Variants in NPTX1 observed in about 807,000 individuals in gnomAD.
The protein encoded by NPTX1 is neuronal pentraxin-1.
Under a neutral mutation model 38.7 loss-of-function variants are expected in NPTX1, and 12 were observed. The ratio of observed to expected loss-of-function variants is 0.31; its 90% CI spans 0.20 to 0.50. The LOEUF is 0.50. Among genes scored for constraint, NPTX1 ranks in the 20% least tolerant of loss-of-function variants. NPTX1 has a pLI of 0.98. For missense variants in NPTX1, 454 were observed against 592.2 expected (o/e 0.77, Z 2.42); for synonymous variants, 272 against 264.9 (o/e 1.03, Z -0.26).
chr17:80,471,654 C>T, intron 4 of NPTX1, 78 bp downstream of exon 4: 3 of 1,534,310 alleles, frequency 2.0e-6, no homozygotes, highest in South Asian at 1.3e-5. Flanking sequence ...CTACCTCCCT[C>T]CCTCCTTGCT....
rs1358327047 is a variant in NPTX1 at position 80,476,460 on chromosome 17, G to A, written c.-14C>T. The A allele has an allele frequency of 2.4e-6, 3 of 1,228,570 alleles. No homozygotes were observed. Among genetic ancestry groups the A allele is most frequent in the East Asian group, 3.5e-5 (1 of 28,286 alleles). The allele number at this position is 1,228,570 out of a possible 1,614,324, so 76.1% of individuals were successfully genotyped here. A position where few individuals can be genotyped will look rare whatever the true frequency, so the allele number is the denominator to read the frequency against. On this transcript the variant is annotated 5_prime_UTR_variant, in exon 1 of 5. Transcript: ENST00000306773. This position sits in a 1 kb window ranked among gnomAD's most constrained non-coding sequence, Gnocchi z 6.3. ...GCCGGCCGGCATGGCTGCGGGCACC[G>A]GGCGCTCCGGGCCCGGCTCGGCTCG...
Position 80,476,499 on chromosome 17 carries a change from T to G in NPTX1, c.-53A>C. ...CGGCTCGGCTCGGCTGGGGCTCGGC[T>G]CCGGCTGGGACCCGGCTCGGGCTGT... On this transcript the variant is annotated 5_prime_UTR_variant, in exon 1 of 5. Transcript: ENST00000306773. This position sits in a 1 kb window ranked among gnomAD's most constrained non-coding sequence, Gnocchi z 6.3. 1 of 1,054,670 alleles carries G rather than the reference T, an allele frequency of 9.5e-7. No homozygotes were observed. The highest frequency in any genetic ancestry group is 1.2e-6 in the Non-Finnish European group (1 of 861,182). 65.3% of individuals were successfully genotyped at this position (1,054,670 alleles called of 1,614,324 possible). A position where few individuals can be genotyped will look rare whatever the true frequency, so the allele number is the denominator to read the frequency against.
chr17:80,472,663 T>G (rs1430100039), intron 3 of NPTX1, among the ~76,000 whole-genome samples: 1 of 152,218 alleles, frequency 6.6e-6, no homozygotes, highest in Non-Finnish European at 1.5e-5. Context: ...GTTTGAAAGC[T>G]GGCAGCTAGT....
rs1030402525 is a variant in NPTX1, at chr17:80,468,767, G to T, written c.*2046C>A. ...CTACACGGGTGGTCACAGAACACTG[G>T]GCGGCACTCGGCACACAACACAGAA... On this transcript the variant is annotated 3_prime_UTR_variant, in exon 5 of 5. Transcript: ENST00000306773. 6.6e-6 allele frequency: 1 copy of T among 152,304 alleles called. No individual in the cohort carries two copies. 9.4% of individuals were successfully genotyped at this position (152,304 alleles called of 1,614,324 possible).
At position 80,467,412 on chromosome 17, in the gene NPTX1, A is replaced by AC. The variant is rs1473410621; in HGVS notation, c.*3400dup. 3 of 152,608 alleles carry AC rather than the reference A, an allele frequency of 2.0e-5. No homozygotes were observed. Among genetic ancestry groups the AC allele is most frequent in the Non-Finnish European group, 4.4e-5 (3 of 68,032 alleles). The allele number at this position is 152,608 out of a possible 1,614,324, so 9.5% of individuals were successfully genotyped here. A position where few individuals can be genotyped will look rare whatever the true frequency, so the allele number is the denominator to read the frequency against. ...CCAAGGTTCTTCTATCAAGGTTAGAACTGATATTCAAATCCTCGGCTCATT... is the reference window on the plus strand; with the variant it reads ...CCAAGGTTCTTCTATCAAGGTTAGAACCTGATATTCAAATCCTCGGCTCATT... On this transcript the variant is annotated 3_prime_UTR_variant, in exon 5 of 5. Coordinates refer to ENST00000306773, the MANE Select transcript of NPTX1 (RefSeq NM_002522.4).
intron 4 of NPTX1, 129 bp from the exon 5 acceptor site, chr17:80,471,163 G>A (rs1322408314): frequency 5.4e-5 from 37 of 683,316 alleles, no homozygotes; most frequent in Middle Eastern, 4.1e-4. Flanking sequence ...CCTAGGTGCC[G>A]TTTCGTCTCC....
rs1489588339 is a variant in NPTX1 at position 80,471,715 on chromosome 17, C to G, written c.1077+17G>C. 6 of 1,596,340 alleles carry G rather than the reference C, an allele frequency of 3.8e-6. No homozygotes were observed. In the African/African-American group the frequency reaches 6.7e-5, roughly 18 times the overall value. On this transcript the variant is annotated intron_variant, in intron 4 of 4. Coordinates refer to ENST00000306773, the MANE Select transcript of NPTX1 (RefSeq NM_002522.4). ...TCTGAAGCTCTCTCCCCTTCCCCAC[C>G]ACATCCAGCACAGTACCTGCTCCTG... is the stretch of plus-strand genomic sequence containing the variant.
chr17:80,476,411 C>G lies in NPTX1; in HGVS notation c.36G>C (p.Leu12=). The change falls in exon 1 of 5, where the codon CTG becomes CTC. Residue 12 remains leucine (L), a synonymous_variant. Transcript: ENST00000306773. The surrounding 1 kb of genome is among the most constrained non-coding windows in gnomAD (Gnocchi z 6.3). ...PAGRAARTCA[L]LALCLLGAGA... ...CGGCGCCCAGGAGGCAGAGGGCGAG[C>G]AGCGCACAGGTGCGCGCGGCGCGGC... 1 of 1,502,104 alleles carries G rather than the reference C, an allele frequency of 6.7e-7. No individual in the cohort carries two copies. Among genetic ancestry groups the G allele is most frequent in the Non-Finnish European group, 8.8e-7 (1 of 1,134,270 alleles). 93.0% of individuals were successfully genotyped at this position (1,502,104 alleles called of 1,614,324 possible).
At position 80,467,777 on chromosome 17, in the gene NPTX1, G is replaced by C. The variant is rs1403335525; in HGVS notation, c.*3036C>G. On this transcript the variant is annotated 3_prime_UTR_variant, in exon 5 of 5. Coordinates refer to ENST00000306773, the MANE Select transcript of NPTX1 (RefSeq NM_002522.4). ...TGAAAGTATTTTCAAGGGAGATATA[G>C]GTTGAGTTAATTTATAGGTTTGTCC... The C allele has an allele frequency of 6.6e-6, 1 of 152,500 alleles. No individual in the cohort carries two copies. The highest frequency in any genetic ancestry group is 1.5e-5 in the Non-Finnish European group (1 of 68,046). The allele number at this position is 152,500 out of a possible 1,614,324, so 9.4% of individuals were successfully genotyped here.
chr17:80,471,670 T>C, intron 4 of NPTX1, 62 bp downstream of exon 4: 1 of 1,557,920 alleles, frequency 6.4e-7, no homozygotes, highest in Non-Finnish European at 8.7e-7. Flanking sequence ...TTGCTCCTCT[T>C]CCCCTTCCCA....
In NPTX1 at chr17:80,468,089, T is replaced by C. The variant is rs984789572; in HGVS notation, c.*2724A>G. 1 of 152,636 alleles carries C rather than the reference T, an allele frequency of 6.6e-6. No homozygotes were observed. The highest frequency in any genetic ancestry group is 2.1e-4 in the South Asian group (1 of 4,816). 9.5% of individuals were successfully genotyped at this position (152,636 alleles called of 1,614,324 possible). A position where few individuals can be genotyped will look rare whatever the true frequency, so the allele number is the denominator to read the frequency against. Reference sequence around the variant, plus strand: ...GTATTATTCAGTGCAAGAGGGAACATCAATCAGATTAAGGAGTAAATGGGA... The same window carrying C: ...GTATTATTCAGTGCAAGAGGGAACACCAATCAGATTAAGGAGTAAATGGGA... On this transcript the variant is annotated 3_prime_UTR_variant, in exon 5 of 5. Coordinates refer to ENST00000306773, the MANE Select transcript of NPTX1 (RefSeq NM_002522.4).
At chr17:80,473,478 C>T (rs749992075) in intron 2 of NPTX1, 34 bp from the exon 3 acceptor site, 42 of 1,608,878 alleles carry the variant, frequency 2.6e-5, no homozygotes, top group Non-Finnish European at 3.4e-5. Context: ...TCTGCACCTG[C>T]GTGAAGTGCT....
rs1284497307 is a variant in NPTX1 at position 80,471,714 on chromosome 17, C to T, written c.1077+18G>A. 1 of 1,596,472 alleles carries T rather than the reference C, an allele frequency of 6.3e-7. No homozygotes were observed. Among genetic ancestry groups the T allele is most frequent in the South Asian group, 1.1e-5 (1 of 89,976 alleles). Reference sequence around the variant, plus strand: ...TTCTGAAGCTCTCTCCCCTTCCCCACCACATCCAGCACAGTACCTGCTCCT... The same window carrying T: ...TTCTGAAGCTCTCTCCCCTTCCCCATCACATCCAGCACAGTACCTGCTCCT... On this transcript the variant is annotated intron_variant, in intron 4 of 4. Transcript: ENST00000306773.
At chr17:80,471,437 C>T (rs979756873) in intron 4 of NPTX1, among the ~76,000 whole-genome samples, 2 of 152,242 alleles carry the variant, frequency 1.3e-5, no homozygotes, top group East Asian at 3.9e-4. Context: ...AGGTGCCCAA[C>T]AGGAGACAAA....
rs1216756824 is a variant in NPTX1 at position 80,476,486 on chromosome 17, G to T, written c.-40C>A. On this transcript the variant is annotated 5_prime_UTR_variant, in exon 1 of 5. Coordinates refer to ENST00000306773, the MANE Select transcript of NPTX1 (RefSeq NM_002522.4). The surrounding 1 kb of genome is among the most constrained non-coding windows in gnomAD (Gnocchi z 6.3). The stretch of plus-strand genomic sequence containing the variant: ...GGCGCTCCGGGCCCGGCTCGGCTCG[G>T]CTGGGGCTCGGCTCCGGCTGGGACC... The T allele has an allele frequency of 7.1e-6, 8 of 1,126,632 alleles. No individual in the cohort carries two copies. The African/African-American group carries it at 1.2e-4, about 16-fold the overall frequency. The allele number at this position is 1,126,632 out of a possible 1,614,324, so 69.8% of individuals were successfully genotyped here. A position where few individuals can be genotyped will look rare whatever the true frequency, so the allele number is the denominator to read the frequency against.
chr17:80,476,517 C>A lies in NPTX1; in HGVS notation c.-71G>T. On this transcript the variant is annotated 5_prime_UTR_variant, in exon 1 of 5. Transcript: ENST00000306773. The surrounding 1 kb of genome is among the most constrained non-coding windows in gnomAD (Gnocchi z 6.3). ...GCTCGGCTCCGGCTGGGACCCGGCT[C>A]GGGCTGTGGCTCCGCGAGCGGCCCG... is the stretch of plus-strand genomic sequence containing the variant. 2.2e-6 allele frequency: 2 copies of A among 909,776 alleles called. No homozygotes were observed. Among genetic ancestry groups the A allele is most frequent in the South Asian group, 5.1e-5 (1 of 19,436 alleles). The allele number at this position is 909,776 out of a possible 1,614,324, so 56.4% of individuals were successfully genotyped here.
rs376337891 is a variant in NPTX1, at chr17:80,473,187, G to T, written c.897+13C>A. 177 of 1,610,194 alleles carry T rather than the reference G, an allele frequency of 1.1e-4. No individual in the cohort carries two copies. Among genetic ancestry groups the T allele is most frequent in the Middle Eastern group, 6.6e-4 (4 of 6,054 alleles). On this transcript the variant is annotated intron_variant, in intron 3 of 4. Transcript: ENST00000306773. ...CTCGCCCTGCCGCCCTGTGAGCCCG[G>T]GGGCTGCTCTACCTTGTCATTGATG...
Position 80,471,928 on chromosome 17 carries a change from C to A in NPTX1, c.898-17G>T. On this transcript the variant is annotated splice_polypyrimidine_tract_variant and intron_variant, in intron 3 of 4. Coordinates refer to ENST00000306773, the MANE Select transcript of NPTX1 (RefSeq NM_002522.4). ...CTTGGCCACCTGGGAAGGAGAATGA[C>A]AGACGCCAGCTGGTGAGTACAGGGG... The A allele has an allele frequency of 6.2e-7, 1 of 1,601,952 alleles. No homozygotes were observed.
rs200837572 is a variant in NPTX1, at chr17:80,470,765, G to T, written c.*48C>A. On this transcript the variant is annotated 3_prime_UTR_variant, in exon 5 of 5. Transcript: ENST00000306773. ...GAGACGCACAAAACAGATCATCGCCGCACAAGCAGGGGGCGAGGGCGGGCG... is the reference window on the plus strand; with the variant it reads ...GAGACGCACAAAACAGATCATCGCCTCACAAGCAGGGGGCGAGGGCGGGCG... 1.1e-5 allele frequency: 14 copies of T among 1,291,900 alleles called. No individual in the cohort carries two copies. The East Asian group carries it at 2.8e-4, about 26-fold the overall frequency. The allele number at this position is 1,291,900 out of a possible 1,614,324, so 80.0% of individuals were successfully genotyped here.
Sources: allele counts gnomAD v4.1 joint callset (sites outside exome capture counted in the v4.1 genomes callset), GRCh38; gene constraint gnomAD v4.1.1; non-coding constraint Gnocchi (gnomAD v3.1); transcripts MANE v1.5; gene names NCBI Gene and HGNC (gene_info 2026-07-23, HGNC 2026-07-21).